CCND2: variants seen among roughly 807,000 people sequenced by gnomAD.
CCND2 encodes G1/S-specific cyclin-D2.
A neutral mutation model predicts 30.2 loss-of-function variants in CCND2; 6 were observed. The observed-to-expected ratio is 0.20, with a 90% CI of 0.11 to 0.39. CCND2 has a LOEUF of 0.39. CCND2 is among the 10% of genes least tolerant of loss of function. The probability of loss-of-function intolerance (pLI) is 1.00; values close to 1 mark genes in which losing one functional copy is unlikely to be tolerated. For missense variants in CCND2, 235 were observed against 373.4 expected (o/e 0.63, Z 3.06); for synonymous variants, 150 against 153.1 (o/e 0.98, Z 0.15).
At chr12:4,295,580 C>T (rs1347881622) in intron 4 of CCND2, among the ~76,000 whole-genome samples, 1 of 152,144 alleles carries the variant, frequency 6.6e-6, no homozygotes, top group East Asian at 1.9e-4. Context: ...AGTTCGAGAC[C>T]AGCCTGACCA....
chr12:4,292,231 A>G (rs914193084), intron 4 of CCND2, among the ~76,000 whole-genome samples: 1 of 152,188 alleles, frequency 6.6e-6, no homozygotes, highest in Non-Finnish European at 1.5e-5. Context: ...ACGCTATGAA[A>G]TGCCCATAGG....
chr12:4,275,503 CCAAAAGCGGCCCCTGGGCCG>C (rs1863859045), intron 1 of CCND2: 1 of 131,922 alleles, frequency 7.6e-6, no homozygotes, highest in Admixed American at 7.5e-5. Flanking sequence ...ACCCGCCCCC[CCAAAAGCGGCCCCTGGGCCG>C]CAGGGACCCC....
intron 4 of CCND2, among the ~76,000 whole-genome samples, chr12:4,297,372 A>T (rs140819484): frequency 0.01 from 1,591 of 152,172 alleles, 10 homozygotes; most frequent in Middle Eastern, 0.054. Flanking sequence ...GGAGTTCAAG[A>T]CCAGCCTGGC....
chr12:4,302,343 G>C lies in CCND2; in HGVS notation c.*2334G>C. On this transcript the variant is annotated 3_prime_UTR_variant, in exon 5 of 5. Coordinates refer to ENST00000261254, the MANE Select transcript of CCND2 (RefSeq NM_001759.4). ...GTCGTAATTTGCACTTAGGTACCAG[G>C]TGTCAGGAAACAGACTAAAAAGAAT... 4.3e-6 allele frequency: 1 copy of C among 233,108 alleles called. No individual in the cohort carries two copies. The highest frequency in any genetic ancestry group is 6.0e-5 in the East Asian group (1 of 16,554). 14.4% of individuals were successfully genotyped at this position (233,108 alleles called of 1,614,324 possible). A position where few individuals can be genotyped will look rare whatever the true frequency, so the allele number is the denominator to read the frequency against.
At chr12:4,280,881 A>C (rs971688360) in intron 3 of CCND2, among the ~76,000 whole-genome samples, 1 of 152,322 alleles carries the variant, frequency 6.6e-6, no homozygotes, top group Non-Finnish European at 1.5e-5. Context: ...GGGTGGAGTT[A>C]CCGGGGTGTG....
chr12:4,276,225 T>C lies in CCND2; in HGVS notation c.411+5T>C. On this transcript the variant is annotated splice_donor_5th_base_variant and intron_variant, in intron 2 of 4. Transcript: ENST00000261254. This position sits in a 1 kb window ranked among gnomAD's most constrained non-coding sequence, Gnocchi z 4.8. ...ATCAAGCCTCAGGAGCTGCTGGTAA[T>C]GACCGGCCCCTTCCTCCCTTCCTTT... 6.2e-7 allele frequency: 1 copy of C among 1,611,296 alleles called. No homozygotes were observed. Among genetic ancestry groups the C allele is most frequent in the Non-Finnish European group, 8.5e-7 (1 of 1,177,660 alleles).
rs1864277919 is a variant in CCND2, at chr12:4,303,449, A to C, written c.*3440A>C. 1 of 233,172 alleles carries C rather than the reference A, an allele frequency of 4.3e-6. No individual in the cohort carries two copies. Among genetic ancestry groups the C allele is most frequent in the Non-Finnish European group, 8.5e-6 (1 of 118,002 alleles). 14.4% of individuals were successfully genotyped at this position (233,172 alleles called of 1,614,324 possible). On this transcript the variant is annotated 3_prime_UTR_variant, in exon 5 of 5. Coordinates refer to ENST00000261254, the MANE Select transcript of CCND2 (RefSeq NM_001759.4). The surrounding 1 kb of genome is among the most constrained non-coding windows in gnomAD (Gnocchi z 4.6). The stretch of plus-strand genomic sequence containing the variant: ...CTCTTCTTTTTCTTACCTCCCACTA[A>C]AGGGGTTCCAAATTATCCTGGTCTT...
At chr12:4,283,643 C>G (rs1863982750) in intron 3 of CCND2, among the ~76,000 whole-genome samples, 1 of 152,208 alleles carries the variant, frequency 6.6e-6, no homozygotes, top group Non-Finnish European at 1.5e-5. Context: ...AGCATGCAGC[C>G]CACAGCAGAG....
At chr12:4,291,846 A>G (rs1864105464) in intron 4 of CCND2, among the ~76,000 whole-genome samples, 1 of 152,254 alleles carries the variant, frequency 6.6e-6, no homozygotes, top group Non-Finnish European at 1.5e-5. Context: ...GAAACGAGCC[A>G]GACACAAAAA....
Position 4,303,383 on chromosome 12 carries a change from C to G in CCND2, c.*3374C>G. On this transcript the variant is annotated 3_prime_UTR_variant, in exon 5 of 5. Coordinates refer to ENST00000261254, the MANE Select transcript of CCND2 (RefSeq NM_001759.4). The surrounding 1 kb of genome is among the most constrained non-coding windows in gnomAD (Gnocchi z 4.6). ...AGTTTTGTTCCAGAGGAGCTCTCCC[C>G]CTTGGATTTGAACTTGCTCTTTTTG... 1 of 233,394 alleles carries G rather than the reference C, an allele frequency of 4.3e-6. No homozygotes were observed. Among genetic ancestry groups the G allele is most frequent in the African/African-American group, 2.2e-5 (1 of 45,450 alleles). 14.5% of individuals were successfully genotyped at this position (233,394 alleles called of 1,614,324 possible). A position where few individuals can be genotyped will look rare whatever the true frequency, so the allele number is the denominator to read the frequency against.
In CCND2 at chr12:4,274,250, G is replaced by A; in HGVS notation, c.195+15G>A. The A allele has an allele frequency of 6.2e-7, 1 of 1,612,760 alleles. No homozygotes were observed. The highest frequency in any genetic ancestry group is 8.5e-7 in the Non-Finnish European group (1 of 1,179,156). ...GGATGCTGGAGGTAGGTCGGGGGGT[G>A]GCGCTCGCCAGGAGCCAGGACCCCT... On this transcript the variant is annotated intron_variant, in intron 1 of 4. Coordinates refer to ENST00000261254, the MANE Select transcript of CCND2 (RefSeq NM_001759.4). The surrounding 1 kb of genome is among the most constrained non-coding windows in gnomAD (Gnocchi z 7.7).
At position 4,287,137 on chromosome 12, in the gene CCND2, C is replaced by A. The variant is rs1864035288; in HGVS notation, c.572-1705C>A. The stretch of plus-strand genomic sequence containing the variant: ...GTGGACAGCAGGCGTGGGCGCAGCA[C>A]CATTATATACGTCCCTCAAGAGGTG... On this transcript the variant is annotated intron_variant, in intron 3 of 4. Coordinates refer to ENST00000261254, the MANE Select transcript of CCND2 (RefSeq NM_001759.4). The surrounding 1 kb of genome is among the most constrained non-coding windows in gnomAD (Gnocchi z 4.0). 6.6e-6 allele frequency among the ~76,000 whole-genome samples: 1 copy of A among 152,154 alleles called. No homozygotes were observed. The highest frequency in any genetic ancestry group is 6.5e-5 in the Admixed American group (1 of 15,278).
intron 3 of CCND2, among the ~76,000 whole-genome samples, chr12:4,283,037 C>T (rs555470076): frequency 6.6e-6 from 1 of 152,348 alleles, no homozygotes; most frequent in East Asian, 1.9e-4. Flanking sequence ...ACCCCTGCAC[C>T]CCAAGACCTC....
Position 4,300,733 on chromosome 12 carries a change from C to G in CCND2, c.*724C>G, listed in dbSNP as rs1409899081. 2 of 233,558 alleles carry G rather than the reference C, an allele frequency of 8.6e-6. No homozygotes were observed. The highest frequency in any genetic ancestry group is 4.4e-5 in the African/African-American group (2 of 45,332). 14.5% of individuals were successfully genotyped at this position (233,558 alleles called of 1,614,324 possible). A position where few individuals can be genotyped will look rare whatever the true frequency, so the allele number is the denominator to read the frequency against. On this transcript the variant is annotated 3_prime_UTR_variant, in exon 5 of 5. Coordinates refer to ENST00000261254, the MANE Select transcript of CCND2 (RefSeq NM_001759.4). ...CCTGCTTCTTCTTCCAAATGCAGTTCATTGCAGACACCACCATATTGCTAT... is the reference window on the plus strand; with the variant it reads ...CCTGCTTCTTCTTCCAAATGCAGTTGATTGCAGACACCACCATATTGCTAT...
chr12:4,297,464 G>A (rs561031396), intron 4 of CCND2, among the ~76,000 whole-genome samples: 9 of 151,530 alleles, frequency 5.9e-5, no homozygotes, highest in South Asian at 4.2e-4. Context: ...CCAGCTGCTC[G>A]GGAGGCTGAG....
chr12:4,279,607 C>T (rs1234035435), intron 3 of CCND2, among the ~76,000 whole-genome samples: 1 of 151,744 alleles, frequency 6.6e-6, no homozygotes, highest in African/African-American at 2.4e-5. Flanking sequence ...ACGTGGATCC[C>T]ACAATTGATA....
rs1367555473 is a variant in CCND2, at chr12:4,276,925, G to T, written c.411+705G>T. Among the ~76,000 whole-genome samples the T allele has an allele frequency of 6.6e-6, 1 of 152,190 alleles. No homozygotes were observed. The highest frequency in any genetic ancestry group is 1.5e-5 in the Non-Finnish European group (1 of 68,042). ...AAGACGACCATATTGCAGCTGTACC[G>T]CATGGAATAGCGGCTCCAAGGCCCA... is the stretch of plus-strand genomic sequence containing the variant. On this transcript the variant is annotated intron_variant, in intron 2 of 4. Transcript: ENST00000261254. This position sits in a 1 kb window ranked among gnomAD's most constrained non-coding sequence, Gnocchi z 4.8.
intron 4 of CCND2, among the ~76,000 whole-genome samples, chr12:4,291,731 A>C (rs1175087766): frequency 6.6e-6 from 1 of 152,198 alleles, no homozygotes; most frequent in African/African-American, 2.4e-5. Context: ...AGAGTAGAGA[A>C]ACAAAATGTA....
rs1215212095 is a variant in CCND2, at chr12:4,282,761, C to T, written c.571+3842C>T. On this transcript the variant is annotated intron_variant, in intron 3 of 4. Transcript: ENST00000261254. The surrounding 1 kb of genome is among the most constrained non-coding windows in gnomAD (Gnocchi z 4.3). Reference sequence around the variant, plus strand: ...CCCTCCCCAGCTCCTCCCAGCAGGCCTTGCAGTTGCATGGGCATTCCCTTG... The same window carrying T: ...CCCTCCCCAGCTCCTCCCAGCAGGCTTTGCAGTTGCATGGGCATTCCCTTG... Among the ~76,000 whole-genome samples, 1 of 152,248 alleles carries T rather than the reference C, an allele frequency of 6.6e-6. No homozygotes were observed. Among genetic ancestry groups the T allele is most frequent in the Non-Finnish European group, 1.5e-5 (1 of 68,038 alleles).
Sources: gnomAD v4.1 joint callset for allele counts (sites outside exome capture counted in the v4.1 genomes callset) on GRCh38, gnomAD v4.1.1 for gene constraint, Gnocchi (gnomAD v3.1) non-coding constraint, MANE v1.5 for transcripts, NCBI Gene and HGNC (gene_info 2026-07-23, HGNC 2026-07-21) for gene names.